The following SCARF2 variants were observed in gnomAD, a reference collection of about 807,000 sequenced individuals.
The protein encoded by SCARF2 is scavenger receptor class F member 2, also known as scavenger receptor expressed by endothelial cells 2 protein.
Under a neutral mutation model 73.4 loss-of-function variants are expected in SCARF2, and 39 were observed. The ratio of observed to expected loss-of-function variants is 0.53; its 90% CI spans 0.41 to 0.69. SCARF2 has a LOEUF of 0.69. Ranked by LOEUF, SCARF2 falls within the 30% of genes least tolerant of loss-of-function variation. The pLI is 0.00. For synonymous variants in SCARF2, 605 were observed against 590.0 expected, an observed-to-expected ratio of 1.03 and a Z score of -0.37; for missense variants, 1,148 against 1,303.5, an observed-to-expected ratio of 0.88 and a Z score of 1.84.
intron 1 of SCARF2, among the ~76,000 whole-genome samples, chr22:20,435,423 C>G (rs1043458677): frequency 6.6e-6 from 1 of 152,168 alleles, no homozygotes; most frequent in Non-Finnish European, 1.5e-5. Context: ...ACCTGGCAGC[C>G]AATCCTGGTC....
chr22:20,429,868 G>GC lies in SCARF2; in HGVS notation c.1203-36dup. 6 of 1,600,040 alleles carry GC rather than the reference G, an allele frequency of 3.7e-6. No homozygotes were observed. Among genetic ancestry groups the GC allele is most frequent in the Non-Finnish European group, 5.1e-6 (6 of 1,173,502 alleles). Reference sequence around the variant, plus strand: ...CATAGGGTCAAGGCATGCCACAGCCGCCCCCCTAGGATGCCCCCTACCCTC... The same window carrying GC: ...CATAGGGTCAAGGCATGCCACAGCCGCCCCCCCTAGGATGCCCCCTACCCTC... On this transcript the variant is annotated intron_variant, in intron 6 of 10. Transcript: ENST00000622235. This position sits in a 1 kb window ranked among gnomAD's most constrained non-coding sequence, Gnocchi z 5.2.
Position 20,429,498 on chromosome 22 carries a change from C to T in SCARF2, c.1424+38G>A, listed in dbSNP as rs2052617282. 1 of 1,608,128 alleles carries T rather than the reference C, an allele frequency of 6.2e-7. No individual in the cohort carries two copies. Among genetic ancestry groups the T allele is most frequent in the Admixed American group, 1.7e-5 (1 of 59,612 alleles). ...TCCGGTGGCACCCAGAGGGTGCGGC[C>T]TGAACCCAGGCGAAAGCGGGGCAGT... is the stretch of plus-strand genomic sequence containing the variant. On this transcript the variant is annotated intron_variant, in intron 8 of 10. Transcript: ENST00000622235. This position sits in a 1 kb window ranked among gnomAD's most constrained non-coding sequence, Gnocchi z 5.2.
Position 20,437,693 on chromosome 22 carries a change from G to A in SCARF2, c.62C>T (p.Pro21Leu). The A allele has an allele frequency of 6.8e-7, 1 of 1,470,682 alleles. No homozygotes were observed. Among genetic ancestry groups the A allele is most frequent in the Non-Finnish European group, 9.0e-7 (1 of 1,116,418 alleles). 91.1% of individuals were successfully genotyped at this position (1,470,682 alleles called of 1,614,324 possible). Residue 21 changes from proline to leucine, a missense_variant, in exon 1 of 11, where the codon CCG becomes CTG. Transcript: ENST00000622235. The part of the protein sequence containing the change: ...PARRRGAGGP[P>L]SPLLPSLLLL... ...CAGCAGCGACGGCAGCAGCGGTGACGGCGGCCCCCCGGCTCCCCGGCGCCG... is the reference window on the plus strand; with the variant it reads ...CAGCAGCGACGGCAGCAGCGGTGACAGCGGCCCCCCGGCTCCCCGGCGCCG...
chr22:20,437,591 C>T lies in SCARF2; in HGVS notation c.164G>A (p.Arg55His). 1 of 1,574,526 alleles carries T rather than the reference C, an allele frequency of 6.4e-7. No homozygotes were observed. The highest frequency in any genetic ancestry group is 8.6e-7 in the Non-Finnish European group (1 of 1,167,742). Reference protein sequence around the residue: ...ELNPRGRNVCRAPGSQVPTCC... With the variant: ...ELNPRGRNVCHAPGSQVPTCC... ...CCAGGCCGGCTCCTACCCGGGAGCA[C>T]GGCACACGTTGCGGCCGCGAGGGTT... The change falls in exon 1 of 11, where the codon CGT (arginine) becomes CAT (histidine). Residue 55 changes from arginine to histidine, a missense_variant. By Grantham distance (29) the Arg-to-His change is conservative. This residue lies in a region of SCARF2 where 124 missense variants were observed against 120.4 expected (regional missense o/e 1.03). Coordinates refer to ENST00000622235, the MANE Select transcript of SCARF2 (RefSeq NM_182895.5).
At chr22:20,436,991 C>T (rs1042584911) in intron 1 of SCARF2, among the ~76,000 whole-genome samples, 1 of 152,214 alleles carries the variant, frequency 6.6e-6, no homozygotes, top group Non-Finnish European at 1.5e-5. Flanking sequence ...CCTCCGGTCC[C>T]CTGTGCCTGT....
At chr22:20,428,192 C>A (rs535919294) in intron 9 of SCARF2, among the ~76,000 whole-genome samples, 1 of 151,984 alleles carries the variant, frequency 6.6e-6, no homozygotes, top group Non-Finnish European at 1.5e-5. Flanking sequence ...TCTTTTCTTT[C>A]GACAGTTTTG....
chr22:20,429,228 C>T lies in SCARF2; in HGVS notation c.1537G>A (p.Val513Ile), dbSNP rs1412696146. ...PLRRQKLPKV[V>I]VAHHDLDNTL... ...TACCCCGCGCTGTCATCCTTACCTA[C>T]GACTTTGGGTAGTTTCTGCCTCCGG... The change falls in exon 9 of 11, where the codon GTA becomes ATA. Residue 513 changes from valine (V) to isoleucine (I), a missense_variant. Transcript: ENST00000622235. This position sits in a 1 kb window ranked among gnomAD's most constrained non-coding sequence, Gnocchi z 5.2. The T allele has an allele frequency of 6.8e-6, 11 of 1,614,020 alleles. No individual in the cohort carries two copies. Among genetic ancestry groups the T allele is most frequent in the African/African-American group, 1.3e-5 (1 of 75,062 alleles).
intron 10 of SCARF2, among the ~76,000 whole-genome samples, 161 bp from the exon 11 acceptor site, chr22:20,426,443 G>A (rs1447305087): frequency 1.3e-5 from 2 of 152,226 alleles, no homozygotes; most frequent in African/African-American, 2.4e-5. Flanking sequence ...CCACACATGT[G>A]TACTTCAGAG....
chr22:20,427,459 C>T lies in SCARF2; in HGVS notation c.1632G>A (p.Arg544=), dbSNP rs763958400. The T allele has an allele frequency of 3.1e-6, 5 of 1,614,032 alleles. No homozygotes were observed. The highest frequency in any genetic ancestry group is 1.1e-5 in the South Asian group (1 of 91,080). The change falls in exon 10 of 11, where the codon CGG becomes CGA. Residue 544 remains arginine (R), a synonymous_variant. Transcript: ENST00000622235. ...LEQPSPSWSS[R]ASFSSFDTTD... Reference sequence around the variant, plus strand: ...TGGTGTCAAACGAGGAGAAGGAGGCCCGAGAGGACCAGGATGGTGAGGGCT... The same window carrying T: ...TGGTGTCAAACGAGGAGAAGGAGGCTCGAGAGGACCAGGATGGTGAGGGCT...
At chr22:20,434,313 G>GGA (rs372948448) in intron 1 of SCARF2, among the ~76,000 whole-genome samples, 13 of 152,050 alleles carry the variant, frequency 8.5e-5, no homozygotes, top group African/African-American at 1.7e-4. Flanking sequence ...GATAGAGATA[G>GGA]GAGAGAGAGA....
chr22:20,429,714 C>A lies in SCARF2; in HGVS notation c.1306+16G>T, dbSNP rs2052620967. On this transcript the variant is annotated intron_variant, in intron 7 of 10. Coordinates refer to ENST00000622235, the MANE Select transcript of SCARF2 (RefSeq NM_182895.5). The surrounding 1 kb of genome is among the most constrained non-coding windows in gnomAD (Gnocchi z 5.2). ...ACCCCCTGCATTCCTTAACGGGACG[C>A]CCCTCATCCACTTACCTAGGTGGCA... 6.2e-7 allele frequency: 1 copy of A among 1,613,980 alleles called. No individual in the cohort carries two copies. The highest frequency in any genetic ancestry group is 8.5e-7 in the Non-Finnish European group (1 of 1,179,954).
chr22:20,433,993 C>T (rs540539792), intron 1 of SCARF2, among the ~76,000 whole-genome samples: 8 of 152,342 alleles, frequency 5.3e-5, no homozygotes, highest in Admixed American at 1.3e-4. Flanking sequence ...CTAGGACCCT[C>T]GTTTTAGGGC....
chr22:20,429,363 G>T lies in SCARF2; in HGVS notation c.1425-23C>A, dbSNP rs377460325. On this transcript the variant is annotated intron_variant, in intron 8 of 10. Coordinates refer to ENST00000622235, the MANE Select transcript of SCARF2 (RefSeq NM_182895.5). The surrounding 1 kb of genome is among the most constrained non-coding windows in gnomAD (Gnocchi z 5.2). ...TCCCTGCGGGGGCGGGGTCTGAGCGGAGGGGCGGGGCCGGGGCGGGGCCCA... is the reference window on the plus strand; with the variant it reads ...TCCCTGCGGGGGCGGGGTCTGAGCGTAGGGGCGGGGCCGGGGCGGGGCCCA... 6 of 1,586,392 alleles carry T rather than the reference G, an allele frequency of 3.8e-6. No homozygotes were observed. Among genetic ancestry groups the T allele is most frequent in the South Asian group, 1.1e-5 (1 of 89,064 alleles).
At chr22:20,432,761 G>A (rs1046443354) in intron 1 of SCARF2, among the ~76,000 whole-genome samples, 1 of 152,340 alleles carries the variant, frequency 6.6e-6, no homozygotes, top group Admixed American at 6.5e-5. Context: ...CTGTTGCCCA[G>A]GCTGGAGTGC....
chr22:20,426,703 G>C (rs540452216), intron 10 of SCARF2, among the ~76,000 whole-genome samples: 15 of 152,332 alleles, frequency 9.8e-5, no homozygotes, highest in Non-Finnish European at 2.2e-4. Flanking sequence ...GGGAGGCTGC[G>C]GTCACCTGAG....
intron 1 of SCARF2, among the ~76,000 whole-genome samples, chr22:20,433,021 T>C (rs900096739): frequency 2.0e-5 from 3 of 152,220 alleles, no homozygotes; most frequent in Admixed American, 6.5e-5. Context: ...CCGGCCTGTT[T>C]ATGCTGATTG....
chr22:20,431,701 G>A, intron 3 of SCARF2, 44 bp downstream of exon 3: 3 of 1,256,972 alleles, frequency 2.4e-6, no homozygotes, highest in Non-Finnish European at 3.3e-6. Context: ...CATCTCTCCA[G>A]GATTCCGCCC....
Position 20,431,618 on chromosome 22 carries a change from C to G in SCARF2, c.335-81G>C, listed in dbSNP as rs565310401. ...AGCCAGCCGGAACCTGCCCGCGTCC[C>G]GCACTCCAGCCGCCACCTCTGGGGA... On this transcript the variant is annotated intron_variant, in intron 3 of 10. Transcript: ENST00000622235. 9.2e-4 allele frequency: 1,419 copies of G among 1,542,642 alleles called. 18 individuals carry two copies. The African/African-American group carries it at 0.018, about 19-fold the overall frequency.
chr22:20,429,675 G>T lies in SCARF2; in HGVS notation c.1307-22C>A. ...GTTTCTGTAGGGGGTTATGGGGTCA[G>T]CGCGGTTTCTGGCACCCCCTGCATT... On this transcript the variant is annotated intron_variant, in intron 7 of 10. Transcript: ENST00000622235. The surrounding 1 kb of genome is among the most constrained non-coding windows in gnomAD (Gnocchi z 5.2). 1 of 1,614,020 alleles carries T rather than the reference G, an allele frequency of 6.2e-7. No individual in the cohort carries two copies. Among genetic ancestry groups the T allele is most frequent in the South Asian group, 1.1e-5 (1 of 91,082 alleles).
Sources: gnomAD v4.1 joint callset for allele counts (sites outside exome capture counted in the v4.1 genomes callset) on GRCh38, gnomAD v4.1.1 for gene constraint, gnomAD v4.1.1 regional missense constraint, Gnocchi (gnomAD v3.1) non-coding constraint, MANE v1.5 for transcripts, NCBI Gene and HGNC (gene_info 2026-07-23, HGNC 2026-07-21) for gene names.